Variants in RCN3 observed in about 807,000 individuals in gnomAD.
RCN3 encodes reticulocalbin 3.
A neutral mutation model predicts 35.9 loss-of-function variants in RCN3; 41 were observed. That is an observed-to-expected ratio of 1.14 (90% confidence interval 0.89 to 1.48). The LOEUF (loss-of-function observed/expected upper bound fraction) is 1.48. Ranked by LOEUF, RCN3 falls within the 40% of genes most tolerant of loss-of-function variation. RCN3 has a pLI of 0.00. For synonymous variants in RCN3, 187 were observed against 193.4 expected (o/e 0.97, Z 0.27); for missense variants, 451 against 471.3 (o/e 0.96, Z 0.40).
Position 49,539,138 on chromosome 19 carries a change from A to G in RCN3, c.638A>G (p.Asp213Gly), listed in dbSNP as rs1163496456. The change falls in exon 5 of 7, where the codon GAC becomes GGC. Residue 213 changes from aspartate (D) to glycine (G), a missense_variant. Asp to Gly is a moderately conservative substitution (Grantham distance 94, BLOSUM62 -1). Transcript: ENST00000270645. ...IVIAETLEDL[D>G]RNKDGYVQVE... ...CTCCAGGAAACCCTGGAGGACCTGG[A>G]CAGAAACAAAGATGGCTATGTCCAG... 6.2e-7 allele frequency: 1 copy of G among 1,609,506 alleles called. No individual in the cohort carries two copies. The highest frequency in any genetic ancestry group is 8.5e-7 in the Non-Finnish European group (1 of 1,178,594).
At chr19:49,536,962 T>G in intron 3 of RCN3, 71 bp from the exon 4 acceptor site, 2 of 1,359,884 alleles carry the variant, frequency 1.5e-6, no homozygotes, top group East Asian at 2.6e-5. Context: ...AGGATTTACT[T>G]TGTCTTTGTT....
intron 2 of RCN3, 86 bp downstream of exon 2, chr19:49,528,800 C>T: frequency 7.3e-7 from 1 of 1,363,762 alleles, no homozygotes; most frequent in South Asian, 1.7e-5. Context: ...AGAGAAATGG[C>T]GTGGACTGAA....
chr19:49,530,183 CAG>C (rs1390795788), intron 2 of RCN3, among the ~76,000 whole-genome samples: 2 of 147,294 alleles, frequency 1.4e-5, no homozygotes, highest in African/African-American at 5.0e-5. Flanking sequence ...TTTTTGGAGA[CAG>C]AGTGAGACTC....
At chr19:49,530,221 C>T (rs1037425332) in intron 2 of RCN3, among the ~76,000 whole-genome samples, 4 of 149,654 alleles carry the variant, frequency 2.7e-5, no homozygotes, top group South Asian at 2.1e-4. Context: ...AGTGCAGTGG[C>T]GTGATCTCAG....
chr19:49,540,505 AG>A (rs1601218999), intron 5 of RCN3, among the ~76,000 whole-genome samples: 3 of 151,964 alleles, frequency 2.0e-5, no homozygotes, highest in African/African-American at 7.2e-5. Context: ...CTGTAATCCC[AG>A]TTACTCTGGG....
intron 5 of RCN3, among the ~76,000 whole-genome samples, chr19:49,542,050 A>C (rs1601220551): frequency 3.5e-5 from 5 of 142,738 alleles, no homozygotes; most frequent in Admixed American, 7.1e-5. Flanking sequence ...TCACAGCGAG[A>C]CTCCATCTCA....
At chr19:49,528,411 C>G in intron 1 of RCN3, 56 bp from the exon 2 acceptor site, 1 of 1,431,054 alleles carries the variant, frequency 7.0e-7, no homozygotes, top group Non-Finnish European at 9.2e-7. Flanking sequence ...ATTCTCCTAT[C>G]CCGTGTCTGT....
In RCN3 at chr19:49,528,665, GC is replaced by G. The variant is rs1334114699; in HGVS notation, c.195del (p.Lys66ArgfsTer53). The stretch of plus-strand genomic sequence containing the variant: ...TGAGGCTTTCCTGGGACGGGAAGTG[GC>G]CAAGGAATTCGACCAACTCACCCCA... ...DHEAFLGREV[A>X]KEFDQLTPEE... is the part of the protein sequence containing the mutation. On this transcript the variant is annotated frameshift_variant, in exon 2 of 7. Transcript: ENST00000270645. The G allele has an allele frequency of 1.2e-6, 2 of 1,611,104 alleles. No homozygotes were observed. Among genetic ancestry groups the G allele is most frequent in the Non-Finnish European group, 1.7e-6 (2 of 1,178,664 alleles).
In RCN3 at chr19:49,542,620, C is replaced by T. The variant is rs370063952; in HGVS notation, c.747C>T (p.Phe249=). 10 of 1,607,432 alleles carry T rather than the reference C, an allele frequency of 6.2e-6. No individual in the cohort carries two copies. Among genetic ancestry groups the T allele is most frequent in the Non-Finnish European group, 8.5e-6 (10 of 1,177,684 alleles). The part of the protein sequence containing the change: ...PAWVQTERQQ[F]RDFRDLNKDG... ...GGGTGCAGACGGAGAGGCAGCAGTT[C>T]CGGGACTTCCGGGATCTGAACAAGG... is the stretch of plus-strand genomic sequence containing the variant. The change falls in exon 6 of 7, where the codon TTC becomes TTT. Residue 249 remains phenylalanine (F), a synonymous_variant. Transcript: ENST00000270645.
At chr19:49,540,177 C>G (rs113127433) in intron 5 of RCN3, among the ~76,000 whole-genome samples, 4 of 147,048 alleles carry the variant, frequency 2.7e-5, no homozygotes, top group East Asian at 2.0e-4. Context: ...GTGTGTGTGT[C>G]TCTCTCTTTA....
chr19:49,542,717 G>GCCAA lies in RCN3; in HGVS notation c.848_851dup (p.His284GlnfsTer23). 1 of 1,594,928 alleles carries GCCAA rather than the reference G, an allele frequency of 6.3e-7. No individual in the cohort carries two copies. The highest frequency in any genetic ancestry group is 8.5e-7 in the Non-Finnish European group (1 of 1,172,334). On this transcript the variant is annotated frameshift_variant, in exon 6 of 7. Transcript: ENST00000270645. LOFTEE classifies it high-confidence loss of function. ...TGCCCAGGACCAGCCCCTGGTGGAA[G>GCCAA]CCAACCACCTGCTGCACGAGAGCGA... is the stretch of plus-strand genomic sequence containing the variant.
chr19:49,534,309 CG>C lies in RCN3; in HGVS notation c.361del (p.Ala121ProfsTer68). ...CGGCACATACGGGACTCGGTGAGCG[CG>C]GCCTGGGACACGTACGACACGGACC... ...QQRHIRDSVS[A>X]AWDTYDTDRD... is the part of the protein sequence containing the mutation. On this transcript the variant is annotated frameshift_variant, in exon 3 of 7. Transcript: ENST00000270645. LOFTEE classifies it high-confidence loss of function. 1 of 1,492,960 alleles carries C rather than the reference CG, an allele frequency of 6.7e-7. No homozygotes were observed. The allele number at this position is 1,492,960 out of a possible 1,614,324, so 92.5% of individuals were successfully genotyped here.
intron 3 of RCN3, among the ~76,000 whole-genome samples, chr19:49,535,104 C>T (rs937937665): frequency 3.9e-5 from 6 of 152,166 alleles, no homozygotes; most frequent in South Asian, 2.1e-4. Flanking sequence ...CTCCCTCCCC[C>T]TCCTGGGCCC....
In RCN3 at chr19:49,536,288, C is replaced by CTTTT. The variant is rs968434638; in HGVS notation, c.446-724_446-721dup. On this transcript the variant is annotated intron_variant, in intron 3 of 6. Coordinates refer to ENST00000270645, the MANE Select transcript of RCN3 (RefSeq NM_020650.3). ...GGTTTGAGCCACCGCACCCGGCCTACTTTTTTTTTTTTTTTTTTTTTTTTG... is the reference window on the plus strand; with the variant it reads ...GGTTTGAGCCACCGCACCCGGCCTACTTTTTTTTTTTTTTTTTTTTTTTTTTTTG... Among the ~76,000 whole-genome samples the CTTTT allele has an allele frequency of 9.2e-4, 65 of 70,818 alleles. 1 individual carries two copies. The highest frequency in any genetic ancestry group is 1.4e-3 in the African/African-American group (23 of 16,504). The allele number at this position is 70,818 out of a possible 152,430, so 46.5% of individuals were successfully genotyped here. A position where few individuals can be genotyped will look rare whatever the true frequency, so the allele number is the denominator to read the frequency against.
intron 3 of RCN3, 78 bp from the exon 4 acceptor site, chr19:49,536,955 A>G: frequency 7.5e-7 from 1 of 1,329,920 alleles, no homozygotes; most frequent in Non-Finnish European, 1.0e-6. Context: ...CCCCAGTAGG[A>G]TTTACTTTGT....
Position 49,542,669 on chromosome 19 carries a change from G to A in RCN3, c.796G>A (p.Val266Met). 1 of 1,600,336 alleles carries A rather than the reference G, an allele frequency of 6.2e-7. No homozygotes were observed. Among genetic ancestry groups the A allele is most frequent in the East Asian group, 2.3e-5 (1 of 44,412 alleles). ...GGATGGGCACCTGGATGGGAGTGAG[G>A]TGGGCCACTGGGTGCTGCCCCCTGC... Reference protein sequence around the residue: ...NKDGHLDGSEVGHWVLPPAQD... With the variant: ...NKDGHLDGSEMGHWVLPPAQD... The change falls in exon 6 of 7, where the codon GTG (valine) becomes ATG (methionine). Residue 266 changes from valine to methionine, a missense_variant. Val to Met is a conservative substitution (Grantham distance 21). Coordinates refer to ENST00000270645, the MANE Select transcript of RCN3 (RefSeq NM_020650.3).
chr19:49,534,637 A>C (rs1239106254), intron 3 of RCN3, among the ~76,000 whole-genome samples: 1 of 151,882 alleles, frequency 6.6e-6, no homozygotes, highest in Non-Finnish European at 1.5e-5. Context: ...CTTTTTTTCA[A>C]ACATGAAGTC....
At position 49,536,926 on chromosome 19, in the gene RCN3, C is replaced by T. The variant is rs2080138412; in HGVS notation, c.446-107C>T. On this transcript the variant is annotated intron_variant, in intron 3 of 6. Coordinates refer to ENST00000270645, the MANE Select transcript of RCN3 (RefSeq NM_020650.3). ...CAGCCTACTGATATATACTTATTAA[C>T]TCCACAGAAATCTTTGTACCCCAGT... The T allele has an allele frequency of 4.6e-6, 5 of 1,093,278 alleles. No individual in the cohort carries two copies. The South Asian group carries it at 9.7e-5, about 21-fold the overall frequency. 67.7% of individuals were successfully genotyped at this position (1,093,278 alleles called of 1,614,324 possible).
chr19:49,533,180 C>T (rs1383851942), intron 2 of RCN3, among the ~76,000 whole-genome samples: 1 of 152,198 alleles, frequency 6.6e-6, no homozygotes, highest in East Asian at 1.9e-4. Context: ...AAGCGCTTAA[C>T]AACACCAGGA....
Sources: gnomAD v4.1 joint callset for allele counts (sites outside exome capture counted in the v4.1 genomes callset) on GRCh38, gnomAD v4.1.1 for gene constraint, MANE v1.5 for transcripts, NCBI Gene and HGNC (gene_info 2026-07-23, HGNC 2026-07-21) for gene names.